Variants in GALNT13 observed in about 807,000 individuals in gnomAD.
The protein encoded by GALNT13 is UDP-GalNAc:polypeptide N-acetylgalactosaminyltransferase 13.
In GALNT13, 28 loss-of-function variants were observed where a neutral mutation model predicts 64.2. That is an observed-to-expected ratio of 0.44 (90% CI 0.32 to 0.60). The LOEUF (loss-of-function observed/expected upper bound fraction) is 0.60. Among genes scored for constraint, GALNT13 ranks in the 20% least tolerant of loss-of-function variants. The probability of loss-of-function intolerance (pLI) is 0.05; values close to 1 mark genes in which losing one functional copy is unlikely to be tolerated. For synonymous variants in GALNT13, 214 were observed against 224.6 expected (o/e 0.95, Z 0.42); for missense variants, 577 against 669.8 (o/e 0.86, Z 1.53).
the GALNT13 span, among the ~76,000 whole-genome samples, chr2:153,522,523 TTGGTGG>T: frequency 6.6e-6 from 1 of 152,140 alleles, no homozygotes; most frequent in Non-Finnish European, 1.5e-5. Context: ...GTTGTTTCTG[TTGGTGG>T]TGGTGTTTTC....
chr2:153,549,039 T>C, the GALNT13 span, among the ~76,000 whole-genome samples: 1 of 152,206 alleles, frequency 6.6e-6, no homozygotes, highest in Admixed American at 6.5e-5. Flanking sequence ...ACTTAATTTC[T>C]ATAAAATGTC....
chr2:153,619,770 C>T, the GALNT13 span, among the ~76,000 whole-genome samples: 5 of 152,070 alleles, frequency 3.3e-5, no homozygotes, highest in Admixed American at 3.3e-4. Context: ...TCATACCACC[C>T]TCTCCTGGCC....
At chr2:153,832,446 G>C in the GALNT13 span, among the ~76,000 whole-genome samples, 1 of 152,072 alleles carries the variant, frequency 6.6e-6, no homozygotes, top group Non-Finnish European at 1.5e-5. Flanking sequence ...GTTGTTCAGG[G>C]AATTAGGTAT....
At chr2:153,587,126 C>A in the GALNT13 span, among the ~76,000 whole-genome samples, 2 of 151,400 alleles carry the variant, frequency 1.3e-5, no homozygotes, top group South Asian at 4.2e-4. Flanking sequence ...CCCAGCTACT[C>A]CGGAGGCCTA....
the GALNT13 span, among the ~76,000 whole-genome samples, chr2:153,794,883 G>A: frequency 1.3e-5 from 2 of 152,154 alleles, no homozygotes; most frequent in East Asian, 1.9e-4. Flanking sequence ...ACAAATTTAA[G>A]CAATGATAAA....
the GALNT13 span, among the ~76,000 whole-genome samples, chr2:153,735,420 A>C: frequency 1.7e-3 from 258 of 152,302 alleles, 1 homozygote; most frequent in East Asian, 0.037. Flanking sequence ...AATGAAAAAT[A>C]GGTAAAGTTG....
At chr2:153,554,652 GTATA>G in the GALNT13 span, among the ~76,000 whole-genome samples, 1 of 145,506 alleles carries the variant, frequency 6.9e-6, no homozygotes, top group African/African-American at 2.6e-5. Flanking sequence ...CCGGGATGCT[GTATA>G]TGTGTGTGTG....
the GALNT13 span, among the ~76,000 whole-genome samples, chr2:153,359,833 T>C: frequency 6.0e-3 from 906 of 152,102 alleles, 6 homozygotes; most frequent in African/African-American, 0.021. Context: ...CAAGATCATA[T>C]GGGTAATCTC....
chr2:153,643,306 T>C, the GALNT13 span, among the ~76,000 whole-genome samples: 1 of 151,302 alleles, frequency 6.6e-6, no homozygotes, highest in East Asian at 1.9e-4. Context: ...TACTTTAGGG[T>C]TTTAAACATG....
intron 2 of GALNT13, among the ~76,000 whole-genome samples, chr2:153,911,367 G>C (rs1169934432): frequency 1.3e-5 from 2 of 152,012 alleles, no homozygotes; most frequent in East Asian, 3.9e-4. Flanking sequence ...TATTCACCTT[G>C]CCACTCTGTG....
At chr2:153,363,102 A>G in the GALNT13 span, among the ~76,000 whole-genome samples, 1 of 152,134 alleles carries the variant, frequency 6.6e-6, no homozygotes, top group Non-Finnish European at 1.5e-5. Flanking sequence ...ACAAAACTAC[A>G]TGGAAATTGA....
chr2:154,166,723 A>C (rs1685046080), intron 4 of GALNT13, among the ~76,000 whole-genome samples: 1 of 152,226 alleles, frequency 6.6e-6, no homozygotes, highest in South Asian at 2.1e-4. Flanking sequence ...ACTTGGAACC[A>C]ACCCAGATGT....
the GALNT13 span, among the ~76,000 whole-genome samples, chr2:153,739,625 ATTATTTTATT>A: frequency 1.4e-5 from 1 of 69,834 alleles, no homozygotes; most frequent in Admixed American, 1.6e-4. Flanking sequence ...GATTTTATTT[ATTATTTTATT>A]TTATTTTATT....
chr2:153,510,965 A>AT, the GALNT13 span, among the ~76,000 whole-genome samples: 4 of 151,980 alleles, frequency 2.6e-5, no homozygotes, highest in African/African-American at 9.7e-5. Flanking sequence ...ACAAGAGCAG[A>AT]TTCACTGGAG....
the GALNT13 span, among the ~76,000 whole-genome samples, chr2:153,785,719 G>A: frequency 1.2e-4 from 18 of 152,024 alleles, 1 homozygote; most frequent in East Asian, 2.4e-3. Flanking sequence ...GGAGCTTGTT[G>A]GGTCTCCAGC....
the GALNT13 span, among the ~76,000 whole-genome samples, chr2:153,320,244 C>T: frequency 6.6e-6 from 1 of 152,094 alleles, no homozygotes; most frequent in African/African-American, 2.4e-5. Flanking sequence ...ATTAATTTAC[C>T]TATTAATAAA....
chr2:153,438,814 T>G, the GALNT13 span, among the ~76,000 whole-genome samples: 1 of 152,190 alleles, frequency 6.6e-6, no homozygotes, highest in African/African-American at 2.4e-5. Context: ...TGAAGCCTTC[T>G]TCTCTCATCA....
chr2:154,307,229 C>G (rs1693788360), intron 9 of GALNT13, among the ~76,000 whole-genome samples: 1 of 152,096 alleles, frequency 6.6e-6, no homozygotes, highest in Admixed American at 6.6e-5. Flanking sequence ...CATAGGTACA[C>G]ACTGTAATAT....
the GALNT13 span, among the ~76,000 whole-genome samples, chr2:153,087,226 T>A: frequency 6.6e-6 from 1 of 152,226 alleles, no homozygotes; most frequent in African/African-American, 2.4e-5. Flanking sequence ...TTTCTGCTTC[T>A]ATTGAGATGA....
Sources: allele counts gnomAD v4.1 joint callset (sites outside exome capture counted in the v4.1 genomes callset), GRCh38; gene constraint gnomAD v4.1.1; transcripts MANE v1.5; gene names NCBI Gene and HGNC (gene_info 2026-07-23, HGNC 2026-07-21).